The following FAF1 variants were observed in gnomAD, a reference collection of about 807,000 sequenced individuals.
The protein encoded by FAF1 is FAS-associated factor 1.
A neutral mutation model predicts 92.5 loss-of-function variants in FAF1; 25 were observed. The ratio of observed to expected loss-of-function variants is 0.27; its 90% CI spans 0.20 to 0.38. The LOEUF (loss-of-function observed/expected upper bound fraction) is 0.38. FAF1 is among the 10% of genes least tolerant of loss of function. The pLI is 1.00. For synonymous variants in FAF1, 234 were observed against 273.2 expected (o/e 0.86, Z 1.42); for missense variants, 636 against 793.3 (o/e 0.80, Z 2.38).
intron 4 of FAF1, among the ~76,000 whole-genome samples, chr1:50,786,199 C>T (rs1661358564): frequency 6.6e-6 from 1 of 150,768 alleles, no homozygotes; most frequent in African/African-American, 2.4e-5. Flanking sequence ...AAGGTATAAA[C>T]AACCTAAATG....
intron 3 of FAF1, among the ~76,000 whole-genome samples, chr1:50,800,703 C>G (rs947954531): frequency 3.3e-5 from 5 of 152,162 alleles, no homozygotes; most frequent in Non-Finnish European, 5.9e-5. Flanking sequence ...TTATCAAGAA[C>G]AGCATGTCTT....
intron 16 of FAF1, 141 bp downstream of exon 16, chr1:50,491,580 T>G (rs1048433629): frequency 2.9e-5 from 17 of 579,748 alleles, no homozygotes; most frequent in Non-Finnish European, 4.9e-5. Context: ...TAACCATGGA[T>G]AGGATTATAT....
chr1:50,868,801 T>C (rs1448500882), intron 1 of FAF1, among the ~76,000 whole-genome samples: 1 of 152,212 alleles, frequency 6.6e-6, no homozygotes, highest in African/African-American at 2.4e-5. Flanking sequence ...TGGAAATTTA[T>C]GAAGACTTAA....
rs1197048939 is a variant in FAF1 at position 50,635,980 on chromosome 1, T to C, written c.744+19462A>G. On this transcript the variant is annotated intron_variant, in intron 8 of 18. Coordinates refer to ENST00000396153, the MANE Select transcript of FAF1 (RefSeq NM_007051.3). Reference sequence around the variant, plus strand: ...CAATTATAGGATAAATTGGACTGGATATTTTAAAACTGGAACTGTTCTGAG... The same window carrying C: ...CAATTATAGGATAAATTGGACTGGACATTTTAAAACTGGAACTGTTCTGAG... Among the ~76,000 whole-genome samples the C allele has an allele frequency of 2.0e-5, 3 of 152,178 alleles. No homozygotes were observed. The East Asian group carries it at 5.8e-4, about 29-fold the overall frequency.
chr1:50,818,663 A>G (rs1464224489), intron 2 of FAF1, among the ~76,000 whole-genome samples: 1 of 152,146 alleles, frequency 6.6e-6, no homozygotes, highest in Admixed American at 6.5e-5. Context: ...CCCTTATCTA[A>G]AATGCTTGGG....
chr1:50,464,361 A>G (rs1448473047), intron 18 of FAF1, among the ~76,000 whole-genome samples: 6 of 152,140 alleles, frequency 3.9e-5, no homozygotes, highest in Admixed American at 3.9e-4. Context: ...TGCCTTTTAC[A>G]GGTGAAAGAA....
chr1:50,937,655 A>C, intron 1 of FAF1, among the ~76,000 whole-genome samples: 1 of 152,290 alleles, frequency 6.6e-6, no homozygotes, highest in South Asian at 2.1e-4. Flanking sequence ...TAATATTATT[A>C]GTTTAAAGTA....
chr1:50,464,291 G>A (rs1404407358), intron 18 of FAF1, among the ~76,000 whole-genome samples: 1 of 152,194 alleles, frequency 6.6e-6, no homozygotes, highest in Non-Finnish European at 1.5e-5. Context: ...ATAGGTGTGA[G>A]CCACTGCACC....
intron 8 of FAF1, among the ~76,000 whole-genome samples, chr1:50,633,408 C>G (rs748493031): frequency 6.6e-6 from 1 of 152,186 alleles, no homozygotes; most frequent in Non-Finnish European, 1.5e-5. Context: ...CTTTATCAGG[C>G]TGGTGTTGGT....
chr1:50,582,746 C>T (rs1312714785), intron 11 of FAF1, 47 bp from the exon 12 acceptor site: 1 of 1,194,380 alleles, frequency 8.4e-7, no homozygotes, highest in Admixed American at 1.7e-5. Context: ...TTCAAATTCA[C>T]TTCAGATTTC....
Position 50,722,668 on chromosome 1 carries a change from C to G in FAF1, c.551+16195G>C, listed in dbSNP as rs954580915. ...TCTCAAAAAAAAAAAAAAAAAAGCC[C>G]TATAAAATCTAAGTCCTGGCTCATC... On this transcript the variant is annotated intron_variant, in intron 6 of 18. Coordinates refer to ENST00000396153, the MANE Select transcript of FAF1 (RefSeq NM_007051.3). 5.6e-5 allele frequency among the ~76,000 whole-genome samples: 8 copies of G among 142,656 alleles called. No individual in the cohort carries two copies. The East Asian group carries it at 1.6e-3, about 29-fold the overall frequency. 93.6% of individuals were successfully genotyped at this position (142,656 alleles called of 152,430 possible).
At chr1:50,708,888 T>C (rs1416824287) in intron 6 of FAF1, among the ~76,000 whole-genome samples, 1 of 152,138 alleles carries the variant, frequency 6.6e-6, no homozygotes. Context: ...GGCAGAAAAA[T>C]GACCACATTC....
At chr1:50,676,556 C>T (rs1008170878) in intron 7 of FAF1, among the ~76,000 whole-genome samples, 2 of 152,152 alleles carry the variant, frequency 1.3e-5, no homozygotes, top group Non-Finnish European at 2.9e-5. Flanking sequence ...CACAATGGCT[C>T]ATGCCTGTAA....
chr1:50,514,069 T>C (rs1206612616), intron 15 of FAF1, among the ~76,000 whole-genome samples: 1 of 152,204 alleles, frequency 6.6e-6, no homozygotes, highest in Non-Finnish European at 1.5e-5. Flanking sequence ...ATGAATTGTA[T>C]GGGAAAAACA....
chr1:50,841,189 G>A (rs960979386), intron 2 of FAF1, among the ~76,000 whole-genome samples: 2 of 151,922 alleles, frequency 1.3e-5, no homozygotes, highest in Non-Finnish European at 1.5e-5. Context: ...ACATGATAAC[G>A]AATGAAAAAG....
At chr1:50,704,481 A>G (rs916178791) in intron 7 of FAF1, among the ~76,000 whole-genome samples, 6 of 152,286 alleles carry the variant, frequency 3.9e-5, no homozygotes, top group Middle Eastern at 3.4e-3. Flanking sequence ...ATATATTCAC[A>G]TATACAATTT....
At chr1:50,938,668 T>C (rs1237035045) in intron 1 of FAF1, among the ~76,000 whole-genome samples, 1 of 152,180 alleles carries the variant, frequency 6.6e-6, no homozygotes, top group Non-Finnish European at 1.5e-5. Context: ...ATATCAAGGA[T>C]ATTTCCTGGG....
intron 15 of FAF1, among the ~76,000 whole-genome samples, chr1:50,515,446 C>T (rs1319367951): frequency 2.0e-5 from 3 of 152,160 alleles, no homozygotes; most frequent in African/African-American, 7.2e-5. Flanking sequence ...AAAACACAGA[C>T]TCTCTGGCCC....
chr1:50,924,195 GATA>G (rs1644986877), intron 1 of FAF1, among the ~76,000 whole-genome samples: 1 of 150,386 alleles, frequency 6.6e-6, no homozygotes, highest in Non-Finnish European at 1.5e-5. Flanking sequence ...ACTCAGAACT[GATA>G]ATGATAAACA....
Sources: allele counts gnomAD v4.1 joint callset (sites outside exome capture counted in the v4.1 genomes callset), GRCh38; gene constraint gnomAD v4.1.1; transcripts MANE v1.5; gene names NCBI Gene and HGNC (gene_info 2026-07-23, HGNC 2026-07-21).